The following PEAK3 variants were observed in gnomAD, a reference collection of about 807,000 sequenced individuals.
PEAK3 encodes protein PEAK3.
A neutral mutation model predicts 13.3 loss-of-function variants in PEAK3; 15 were observed. The observed-to-expected ratio is 1.13, with a 90% confidence interval of 0.75 to 1.73. The LOEUF is 1.73. Ranked by LOEUF, PEAK3 falls within the 40% of genes most tolerant of loss-of-function variation. The pLI, the probability that PEAK3 is intolerant of heterozygous loss-of-function variation, is 0.00. For synonymous variants in PEAK3, 347 were observed against 341.9 expected, an observed-to-expected ratio of 1.01 and a Z score of -0.17; for missense variants, 739 against 690.2, an observed-to-expected ratio of 1.07 and a Z score of -0.79.
In PEAK3 at chr19:2,279,128, A is replaced by C; in HGVS notation, c.83-15T>G. On this transcript the variant is annotated splice_polypyrimidine_tract_variant and intron_variant, in intron 2 of 3. Coordinates refer to ENST00000342063, the MANE Select transcript of PEAK3 (RefSeq NM_198532.3). Reference sequence around the variant, plus strand: ...ACGGATCTGACCTGCAGGGAGAGACAGTGGGGGAGGGTTGAGGACAGGCGG... The same window carrying C: ...ACGGATCTGACCTGCAGGGAGAGACCGTGGGGGAGGGTTGAGGACAGGCGG... 7.0e-7 allele frequency: 1 copy of C among 1,422,608 alleles called. No individual in the cohort carries two copies. Among genetic ancestry groups the C allele is most frequent in the Non-Finnish European group, 9.2e-7 (1 of 1,082,740 alleles). 88.1% of individuals were successfully genotyped at this position (1,422,608 alleles called of 1,614,324 possible).
intron 2 of PEAK3, among the ~76,000 whole-genome samples, chr19:2,279,438 C>T (rs949120916): frequency 6.6e-5 from 10 of 152,072 alleles, no homozygotes; most frequent in African/African-American, 2.2e-4. Context: ...GGGTGGATCA[C>T]GAGGTCAGGA....
chr19:2,276,093 G>A lies in PEAK3; in HGVS notation c.1009C>T (p.Gln337Ter), dbSNP rs772784503. 2.0e-6 allele frequency: 3 copies of A among 1,499,290 alleles called. No homozygotes were observed. The South Asian group carries it at 3.9e-5, about 19-fold the overall frequency. The allele number at this position is 1,499,290 out of a possible 1,614,324, so 92.9% of individuals were successfully genotyped here. A position where few individuals can be genotyped will look rare whatever the true frequency, so the allele number is the denominator to read the frequency against. Residue 337 changes from glutamine (Q) to a stop codon, truncating the protein, a stop_gained, in exon 4 of 4, where the codon CAG becomes TAG. Coordinates refer to ENST00000342063, the MANE Select transcript of PEAK3 (RefSeq NM_198532.3). LOFTEE classifies it low-confidence loss of function (END_TRUNC). ...LLTDFGRVCL[Q>*]PPGPPGSPGP... is the part of the protein sequence containing the mutation. ...GGGGATCCCGGGGGTCCAGGGGGCT[G>A]CAGACAGACGCGGCCAAAGTCAGTG...
rs766185725 is a variant in PEAK3, at chr19:2,275,728, C to T, written c.1374G>A (p.Glu458=). ...EDWLCCEYLA[E]ATESSMGQAL... ...CCTGGCCCATCGAGGACTCGGTGGC[C>T]TCGGCCAGGTATTCGCAACACAGCC... is the stretch of plus-strand genomic sequence containing the variant. The change falls in exon 4 of 4, where the codon GAG becomes GAA. Residue 458 remains glutamate (E), a synonymous_variant. Coordinates refer to ENST00000342063, the MANE Select transcript of PEAK3 (RefSeq NM_198532.3). 6.4e-7 allele frequency: 1 copy of T among 1,558,434 alleles called. No individual in the cohort carries two copies. Among genetic ancestry groups the T allele is most frequent in the African/African-American group, 1.4e-5 (1 of 71,524 alleles).
intron 2 of PEAK3, among the ~76,000 whole-genome samples, chr19:2,280,367 C>T (rs952972425): frequency 6.6e-6 from 1 of 151,664 alleles, no homozygotes; most frequent in African/African-American, 2.4e-5. Context: ...AGTTACCGTG[C>T]CCAGCCTCTC....
At chr19:2,279,426 A>G (rs977968934) in intron 2 of PEAK3, among the ~76,000 whole-genome samples, 5 of 152,102 alleles carry the variant, frequency 3.3e-5, no homozygotes, top group Non-Finnish European at 7.4e-5. Context: ...GGAGGCCGAG[A>G]TGGGTGGATC....
chr19:2,278,268 A>G (rs975565643), intron 3 of PEAK3, among the ~76,000 whole-genome samples: 3 of 149,674 alleles, frequency 2.0e-5, no homozygotes, highest in African/African-American at 7.4e-5. Flanking sequence ...GGGTTCAAGC[A>G]ATTCTCCTGC....
intron 3 of PEAK3, among the ~76,000 whole-genome samples, chr19:2,276,865 C>G (rs1185961972): frequency 6.6e-6 from 1 of 152,022 alleles, no homozygotes; most frequent in Non-Finnish European, 1.5e-5. Context: ...AAATGCAAAA[C>G]TAGCTGGGCG....
At chr19:2,281,033 C>T (rs930589507) in intron 1 of PEAK3, 98 bp from the exon 2 acceptor site, 16 of 713,268 alleles carry the variant, frequency 2.2e-5, no homozygotes, top group East Asian at 2.1e-4. Flanking sequence ...GGGAGACCGT[C>T]GAGGCCTCCT....
intron 2 of PEAK3, among the ~76,000 whole-genome samples, chr19:2,280,176 C>T (rs1286567656): frequency 6.6e-6 from 1 of 150,940 alleles, no homozygotes; most frequent in African/African-American, 2.4e-5. Context: ...GATTCTCCTG[C>T]CTCAGCCTCC....
chr19:2,275,866 C>G lies in PEAK3; in HGVS notation c.1236G>C (p.Pro412=). 6 of 1,457,448 alleles carry G rather than the reference C, an allele frequency of 4.1e-6. No homozygotes were observed. In the South Asian group the frequency reaches 6.7e-5, roughly 16 times the overall value. 90.3% of individuals were successfully genotyped at this position (1,457,448 alleles called of 1,614,324 possible). A position where few individuals can be genotyped will look rare whatever the true frequency, so the allele number is the denominator to read the frequency against. The change falls in exon 4 of 4, where the codon CCG becomes CCC. Residue 412 remains proline (P), a synonymous_variant. Coordinates refer to ENST00000342063, the MANE Select transcript of PEAK3 (RefSeq NM_198532.3). The part of the protein sequence containing the change: ...PGPELRGRGA[P]LGPWLRALGP... ...CGAGCGCTCGGAGCCAGGGACCAAG[C>G]GGTGCTCCGCGGCCGCGCAGCTCAG... is the stretch of plus-strand genomic sequence containing the variant.
rs1555740316 is a variant in PEAK3 at position 2,274,948 on chromosome 19, A to AAG, written c.*731_*732insCT. ...GATCGTCTCAAAAAAAAAAAAAAAA[A>AAG]AAAAAGAAAAAGAAAGTGGAACTGG... is the stretch of plus-strand genomic sequence containing the variant. On this transcript the variant is annotated 3_prime_UTR_variant, in exon 4 of 4. Transcript: ENST00000342063. The AAG allele has an allele frequency of 4.2e-3, 586 of 139,458 alleles. 5 individuals are homozygous for AAG. Among genetic ancestry groups the AAG allele is most frequent in the African/African-American group, 0.015 (570 of 38,412 alleles). 8.6% of individuals were successfully genotyped at this position (139,458 alleles called of 1,614,324 possible). A position where few individuals can be genotyped will look rare whatever the true frequency, so the allele number is the denominator to read the frequency against.
At chr19:2,280,973 G>A (rs369206933) in intron 1 of PEAK3, 38 bp from the exon 2 acceptor site, 107 of 1,356,508 alleles carry the variant, frequency 7.9e-5, no homozygotes, top group Middle Eastern at 1.9e-4. Flanking sequence ...TGGGGTGACC[G>A]TGTGCACGCA....
Position 2,276,203 on chromosome 19 carries a change from G to A in PEAK3, c.899C>T (p.Ala300Val), listed in dbSNP as rs867423273. Residue 300 changes from alanine to valine, a missense_variant, in exon 4 of 4, where the codon GCG (alanine) becomes GTG (valine). Transcript: ENST00000342063. ...AALKFLEAWG[A>V]ALVELRPENL... ...CTCCGGCCGCAACTCGACTAGGGCCGCGCCCCACGCCTCCAGGAACTTCAG... is the reference window on the plus strand; with the variant it reads ...CTCCGGCCGCAACTCGACTAGGGCCACGCCCCACGCCTCCAGGAACTTCAG... The A allele has an allele frequency of 6.4e-7, 1 of 1,562,604 alleles. No homozygotes were observed. The highest frequency in any genetic ancestry group is 8.6e-7 in the Non-Finnish European group (1 of 1,157,786).
At chr19:2,281,725 G>T (rs1261292810) in intron 1 of PEAK3, among the ~76,000 whole-genome samples, 1 of 151,770 alleles carries the variant, frequency 6.6e-6, no homozygotes, top group Non-Finnish European at 1.5e-5. Context: ...GTGATTCTGA[G>T]TGGGTTTCCT....
At position 2,278,936 on chromosome 19, in the gene PEAK3, C is replaced by T. The variant is rs139309147; in HGVS notation, c.260G>A (p.Arg87Gln). The change falls in exon 3 of 4, where the codon CGG becomes CAG. Residue 87 changes from arginine to glutamine, a missense_variant. Physicochemically the swap from Arg to Gln is conservative, Grantham distance 43. Coordinates refer to ENST00000342063, the MANE Select transcript of PEAK3 (RefSeq NM_198532.3). Reference protein sequence around the residue: ...HPSSIQVQPPRRPFLGSHSVD... With the variant: ...HPSSIQVQPPQRPFLGSHSVD... ...ACTGTGGGACCCCAGAAAGGGTCTC[C>T]GAGGCGGCTGTACTTGGATGGAGCT... 22 of 1,606,848 alleles carry T rather than the reference C, an allele frequency of 1.4e-5. No individual in the cohort carries two copies. The highest frequency in any genetic ancestry group is 1.3e-4 in the East Asian group (6 of 44,636).
rs1330512370 is a variant in PEAK3 at position 2,276,153 on chromosome 19, C to A, written c.949G>T (p.Gly317Cys). 8.4e-6 allele frequency: 13 copies of A among 1,545,368 alleles called. No individual in the cohort carries two copies. The highest frequency in any genetic ancestry group is 1.0e-5 in the Non-Finnish European group (12 of 1,146,616). Reference sequence around the variant, plus strand: ...CGTGGGGGCCCCGTCGTCGCACAGCCCCGAGGTGCCACCAGCAGCAAGTTC... The same window carrying A: ...CGTGGGGGCCCCGTCGTCGCACAGCACCGAGGTGCCACCAGCAGCAAGTTC... The part of the protein sequence containing the change: ...PENLLLVAPR[G>C]CATTGPPRLL... Residue 317 changes from glycine (G) to cysteine (C), a missense_variant, in exon 4 of 4, where the codon GGC (glycine) becomes TGC (cysteine). Transcript: ENST00000342063.
At position 2,280,971 on chromosome 19, in the gene PEAK3, C is replaced by T. The variant is rs531960947; in HGVS notation, c.-4-36G>A. ...GTCAAACGGGGCGTGTGTGGGGTGA[C>T]CGTGTGCACGCACAGGGCGACATGG... On this transcript the variant is annotated intron_variant, in intron 1 of 3. Coordinates refer to ENST00000342063, the MANE Select transcript of PEAK3 (RefSeq NM_198532.3). 210 of 1,392,920 alleles carry T rather than the reference C, an allele frequency of 1.5e-4. 1 individual carries two copies. The South Asian group carries it at 2.4e-3, about 16-fold the overall frequency. 86.3% of individuals were successfully genotyped at this position (1,392,920 alleles called of 1,614,324 possible). A position where few individuals can be genotyped will look rare whatever the true frequency, so the allele number is the denominator to read the frequency against.
rs1555740317 is a variant in PEAK3, at chr19:2,274,948, A to AAAG, written c.*731_*732insCTT. Reference sequence around the variant, plus strand: ...GATCGTCTCAAAAAAAAAAAAAAAAAAAAAAGAAAAAGAAAGTGGAACTGG... The same window carrying AAAG: ...GATCGTCTCAAAAAAAAAAAAAAAAAAAGAAAAAGAAAAAGAAAGTGGAACTGG... On this transcript the variant is annotated 3_prime_UTR_variant, in exon 4 of 4. Coordinates refer to ENST00000342063, the MANE Select transcript of PEAK3 (RefSeq NM_198532.3). 20 of 139,572 alleles carry AAAG rather than the reference A, an allele frequency of 1.4e-4. No individual in the cohort carries two copies. The highest frequency in any genetic ancestry group is 2.2e-4 in the Admixed American group (3 of 13,950). 8.6% of individuals were successfully genotyped at this position (139,572 alleles called of 1,614,324 possible).
intron 1 of PEAK3, among the ~76,000 whole-genome samples, chr19:2,281,730 T>C (rs1053195507): frequency 6.0e-4 from 91 of 151,812 alleles, no homozygotes; most frequent in Non-Finnish European, 1.2e-3. Context: ...TCTGAGTGGG[T>C]TTCCTGCCCT....
Sources: gnomAD v4.1 joint callset for allele counts (sites outside exome capture counted in the v4.1 genomes callset) on GRCh38, gnomAD v4.1.1 for gene constraint, MANE v1.5 for transcripts, NCBI Gene and HGNC (gene_info 2026-07-23, HGNC 2026-07-21) for gene names.